Variants in TTC29 observed in about 807,000 individuals in gnomAD.
The protein encoded by TTC29 is tetratricopeptide repeat domain 29.
A neutral mutation model predicts 58.1 loss-of-function variants in TTC29; 49 were observed. That is an observed-to-expected ratio of 0.84 (90% CI 0.67 to 1.07). The LOEUF is 1.07. Among genes scored for constraint, TTC29 ranks in the 50% least tolerant of loss-of-function variants. The pLI, the probability that TTC29 is intolerant of heterozygous loss-of-function variation, is 0.00. For synonymous variants in TTC29, 209 were observed against 196.8 expected (o/e 1.06, Z -0.52); for missense variants, 582 against 555.6 (o/e 1.05, Z -0.48).
chr4:146,922,027 A>G (rs1286571767), intron 4 of TTC29, among the ~76,000 whole-genome samples: 86 of 144,812 alleles, frequency 5.9e-4, no homozygotes, highest in Middle Eastern at 3.5e-3. Context: ...AAAAAAAAAA[A>G]AAAGAAAGAA....
At chr4:146,725,466 G>T (rs1164448626) in intron 11 of TTC29, among the ~76,000 whole-genome samples, 2 of 152,134 alleles carry the variant, frequency 1.3e-5, no homozygotes, top group Admixed American at 1.3e-4. Context: ...AGCCTGGGGA[G>T]GTCAAAGCTG....
At chr4:146,771,919 T>G (rs1312667187) in intron 11 of TTC29, among the ~76,000 whole-genome samples, 3 of 152,180 alleles carry the variant, frequency 2.0e-5, no homozygotes, top group Non-Finnish European at 4.4e-5. Context: ...CATCTGTTAT[T>G]TTTTGACTTT....
In TTC29 at chr4:146,839,535, C is replaced by CGTGTGT. The variant is rs5862775; in HGVS notation, c.886-5644_886-5639dup. Among the ~76,000 whole-genome samples the CGTGTGT allele has an allele frequency of 9.3e-3, 1,310 of 140,544 alleles. 15 individuals are homozygous for CGTGTGT. Among genetic ancestry groups the CGTGTGT allele is most frequent in the South Asian group, 0.051 (218 of 4,238 alleles). The allele number at this position is 140,544 out of a possible 152,430, so 92.2% of individuals were successfully genotyped here. On this transcript the variant is annotated intron_variant, in intron 8 of 12. Coordinates refer to ENST00000325106, the MANE Select transcript of TTC29 (RefSeq NM_031956.4). ...AGATTTCACCAGTTTTACATGAACT[C>CGTGTGT]GTGTGTGTGTGTGTGTGTGTGTGTG...
At position 146,844,350 on chromosome 4, in the gene TTC29, T is replaced by C. The variant is rs141728272; in HGVS notation, c.886-10453A>G. Among the ~76,000 whole-genome samples the C allele has an allele frequency of 6.9e-3, 1,049 of 152,268 alleles. 11 individuals are homozygous for C. The highest frequency in any genetic ancestry group is 0.024 in the African/African-American group (996 of 41,564). ...CAGCTCAAAACTGCCATTTCCTAAA[T>C]TGGTCATTATAGTTTTGTATTACCT... On this transcript the variant is annotated intron_variant, in intron 8 of 12. Transcript: ENST00000325106.
chr4:146,857,277 A>AGTGTGTGTGTGT (rs70958531), intron 8 of TTC29, among the ~76,000 whole-genome samples: 5 of 149,420 alleles, frequency 3.3e-5, no homozygotes, highest in Middle Eastern at 3.4e-3. Context: ...CTAGTGGAAG[A>AGTGTGTGTGTGT]GTGTGTGTGT....
chr4:146,860,301 T>C (rs1027262113), intron 8 of TTC29, among the ~76,000 whole-genome samples: 11 of 152,166 alleles, frequency 7.2e-5, no homozygotes, highest in African/African-American at 2.7e-4. Flanking sequence ...TGGCTTTATC[T>C]TTGCTTACAT....
At position 146,874,886 on chromosome 4, in the gene TTC29, T is replaced by C. The variant is rs1216469839; in HGVS notation, c.629A>G (p.Gln210Arg). 1.9e-6 allele frequency: 3 copies of C among 1,613,410 alleles called. No individual in the cohort carries two copies. Among genetic ancestry groups the C allele is most frequent in the Non-Finnish European group, 2.5e-6 (3 of 1,179,710 alleles). Reference protein sequence around the residue: ...EAAEHYEAFHQLTQGRIWKDE... With the variant: ...EAAEHYEAFHRLTQGRIWKDE... The stretch of plus-strand genomic sequence containing the variant: ...CTTCCATATCCGCCCCTGTGTCAAT[T>C]GATGGAATGCTTCATAATGCTCAGC... The change falls in exon 7 of 13, where the codon CAA becomes CGA. Residue 210 changes from glutamine to arginine, a missense_variant. Gln to Arg is a conservative substitution (Grantham distance 43). Transcript: ENST00000325106.
At chr4:146,810,588 C>CTTTTTTTT (rs398051307) in intron 10 of TTC29, among the ~76,000 whole-genome samples, 24 of 96,278 alleles carry the variant, frequency 2.5e-4, no homozygotes, top group African/African-American at 9.1e-4. Context: ...TACATACCTT[C>CTTTTTTTT]TTTTTTTTTT....
intron 8 of TTC29, among the ~76,000 whole-genome samples, chr4:146,839,804 A>G (rs1232248301): frequency 6.6e-6 from 1 of 151,360 alleles, no homozygotes; most frequent in East Asian, 1.9e-4. Context: ...TCTCTTCTCT[A>G]CCCCTTTGGT....
In TTC29 at chr4:146,803,544, A is replaced by G; in HGVS notation, c.1243T>C (p.Tyr415His). ...CTGGTGAGATCTGCAGACTCTATAT[A>G]GTTGTTCACTGTAAGCATCATCTGA... Reference protein sequence around the residue: ...AHQMMLTVNNYIESADLTSLN... With the variant: ...AHQMMLTVNNHIESADLTSLN... Residue 415 changes from tyrosine to histidine, a missense_variant, in exon 11 of 13, where the codon TAT becomes CAT. Coordinates refer to ENST00000325106, the MANE Select transcript of TTC29 (RefSeq NM_031956.4). 1 of 1,603,966 alleles carries G rather than the reference A, an allele frequency of 6.2e-7. No homozygotes were observed. The highest frequency in any genetic ancestry group is 1.1e-5 in the South Asian group (1 of 88,996).
chr4:146,790,593 T>C (rs545341202), intron 11 of TTC29, among the ~76,000 whole-genome samples: 25 of 152,136 alleles, frequency 1.6e-4, no homozygotes, highest in Non-Finnish European at 2.9e-4. Flanking sequence ...TCCATTCCTA[T>C]GCTTAAGTAA....
intron 4 of TTC29, chr4:146,933,929 A>C (rs192997951): frequency 2.0e-5 from 3 of 152,310 alleles, no homozygotes; most frequent in African/African-American, 7.2e-5. Context: ...TTATGAGGTC[A>C]AGAAACGGCT....
At chr4:146,708,310 A>T (rs1367451974) in intron 11 of TTC29, among the ~76,000 whole-genome samples, 4 of 9,252 alleles carry the variant, frequency 4.3e-4, no homozygotes, top group Non-Finnish European at 1.3e-3. Flanking sequence ...TGGGAAGTTT[A>T]TATATATATA....
chr4:146,862,830 AACT>A (rs1313034708), intron 8 of TTC29, among the ~76,000 whole-genome samples: 5 of 152,134 alleles, frequency 3.3e-5, no homozygotes, highest in Non-Finnish European at 5.9e-5. Context: ...AACAAGAACC[AACT>A]AAACCTGGGC....
intron 11 of TTC29, among the ~76,000 whole-genome samples, chr4:146,720,360 C>T (rs566689982): frequency 6.6e-6 from 1 of 152,124 alleles, no homozygotes; most frequent in Admixed American, 6.5e-5. Flanking sequence ...AAAGAAAAAC[C>T]CCCAGAAGGC....
intron 8 of TTC29, among the ~76,000 whole-genome samples, chr4:146,846,543 T>C (rs1365089123): frequency 1.3e-5 from 2 of 152,216 alleles, no homozygotes; most frequent in Admixed American, 6.5e-5. Flanking sequence ...GTCACTAGCA[T>C]GGTGACAAGT....
chr4:146,730,926 GT>G (rs1164853267), intron 11 of TTC29, among the ~76,000 whole-genome samples: 1 of 152,108 alleles, frequency 6.6e-6, no homozygotes, highest in Non-Finnish European at 1.5e-5. Context: ...AAATAGAATA[GT>G]AATTGGTAGA....
At chr4:146,922,019 A>C (rs927847696) in intron 4 of TTC29, among the ~76,000 whole-genome samples, 1 of 149,432 alleles carries the variant, frequency 6.7e-6, no homozygotes, top group African/African-American at 2.4e-5. Flanking sequence ...CTACAAAAAA[A>C]AAAAAAAAAA....
At chr4:146,904,845 C>G (rs371681241) in intron 5 of TTC29, among the ~76,000 whole-genome samples, 10 of 152,226 alleles carry the variant, frequency 6.6e-5, no homozygotes, top group African/African-American at 2.4e-4. Context: ...AAAAATGAAA[C>G]AGGTTGATTA....
Sources: gnomAD v4.1 joint callset for allele counts (sites outside exome capture counted in the v4.1 genomes callset) on GRCh38, gnomAD v4.1.1 for gene constraint, MANE v1.5 for transcripts, NCBI Gene and HGNC (gene_info 2026-07-23, HGNC 2026-07-21) for gene names.